The following BRMS1 variants were observed in gnomAD, a reference collection of about 807,000 sequenced individuals.
BRMS1 encodes the protein breast cancer metastasis-suppressor 1.
BRMS1 carries 26 observed loss-of-function variants against 40.4 expected under a neutral mutation model. The ratio of observed to expected loss-of-function variants is 0.64; its 90% CI spans 0.47 to 0.89. The LOEUF is 0.89. Ranked by LOEUF, BRMS1 falls within the 40% of genes least tolerant of loss-of-function variation. The pLI, the probability that BRMS1 is intolerant of heterozygous loss-of-function variation, is 0.00. For missense variants in BRMS1, 289 were observed against 309.4 expected (o/e 0.93, Z 0.49); for synonymous variants, 103 against 116.0 (o/e 0.89, Z 0.72).
chr11:66,341,669 G>A lies in BRMS1; in HGVS notation c.140-46C>T, dbSNP rs774475917. On this transcript the variant is annotated intron_variant, in intron 2 of 9. Coordinates refer to ENST00000359957, the MANE Select transcript of BRMS1 (RefSeq NM_015399.4). The surrounding 1 kb of genome is among the most constrained non-coding windows in gnomAD (Gnocchi z 4.9). ...GGGCTAGCTCTGGGGAGGAGTGGTG[G>A]GTACCCGCATGTGTGCATGTGCGTC... 6.5e-7 allele frequency: 1 copy of A among 1,538,474 alleles called. No homozygotes were observed. Among genetic ancestry groups the A allele is most frequent in the South Asian group, 1.1e-5 (1 of 89,654 alleles).
intron 1 of BRMS1, 26 bp from the exon 2 acceptor site, chr11:66,342,267 T>G: frequency 6.2e-7 from 1 of 1,608,794 alleles, no homozygotes; most frequent in Non-Finnish European, 8.5e-7. Context: ...GAGCTATCAC[T>G]TATGGCTGCC....
intron 6 of BRMS1, among the ~76,000 whole-genome samples, chr11:66,340,441 G>C (rs1459408919): frequency 6.6e-6 from 1 of 152,182 alleles, no homozygotes; most frequent in Non-Finnish European, 1.5e-5. Flanking sequence ...TTAGTGGAGA[G>C]TGGGATGACG....
intron 2 of BRMS1, 24 bp downstream of exon 2, chr11:66,342,072 G>GTGTGTT (rs1855098008): frequency 1.2e-6 from 2 of 1,607,606 alleles, no homozygotes; most frequent in East Asian, 2.2e-5. Flanking sequence ...GTGTGTGTGT[G>GTGTGTT]TGTCTGTGTG....
chr11:66,342,376 A>C, intron 1 of BRMS1, 135 bp from the exon 2 acceptor site: 1 of 1,135,402 alleles, frequency 8.8e-7, no homozygotes, highest in Non-Finnish European at 1.3e-6. Context: ...CACCTTGAGC[A>C]CAAACTGGGT....
chr11:66,338,373 T>C, intron 8 of BRMS1, 91 bp from the exon 9 acceptor site: 2 of 1,547,454 alleles, frequency 1.3e-6, no homozygotes, highest in Non-Finnish European at 8.7e-7. Flanking sequence ...TTGTGGGCTG[T>C]TGCCTCAGTG....
rs1855090349 is a variant in BRMS1, at chr11:66,341,898, AGGGGCTGTGTGTGC to A, written c.139+184_139+197del. 1 of 629,066 alleles carries A rather than the reference AGGGGCTGTGTGTGC, an allele frequency of 1.6e-6. No homozygotes were observed. The highest frequency in any genetic ancestry group is 2.6e-5 in the African/African-American group (1 of 38,308). 39.0% of individuals were successfully genotyped at this position (629,066 alleles called of 1,614,324 possible). A position where few individuals can be genotyped will look rare whatever the true frequency, so the allele number is the denominator to read the frequency against. ...TGTGTGTGCATACGTGCTTGTGTGT[AGGGGCTGTGTGTGC>A]GTGCTTGTGTGTAGGGGCTGTGTGT... On this transcript the variant is annotated intron_variant, in intron 2 of 9. Coordinates refer to ENST00000359957, the MANE Select transcript of BRMS1 (RefSeq NM_015399.4). The surrounding 1 kb of genome is among the most constrained non-coding windows in gnomAD (Gnocchi z 4.9).
At chr11:66,338,948 C>T (rs1016139990) in intron 7 of BRMS1, among the ~76,000 whole-genome samples, 163 bp from the exon 8 acceptor site, 3 of 152,044 alleles carry the variant, frequency 2.0e-5, no homozygotes, top group Non-Finnish European at 4.4e-5. Context: ...CCCCTGGTTC[C>T]AGGGGTCGTC....
rs778440123 is a variant in BRMS1 at position 66,341,143 on chromosome 11, G to C, written c.358+63C>G. The C allele has an allele frequency of 9.9e-6, 16 of 1,612,460 alleles. No individual in the cohort carries two copies. Among genetic ancestry groups the C allele is most frequent in the Non-Finnish European group, 1.4e-5 (16 of 1,179,046 alleles). On this transcript the variant is annotated intron_variant, in intron 4 of 9. Transcript: ENST00000359957. The surrounding 1 kb of genome is among the most constrained non-coding windows in gnomAD (Gnocchi z 4.9). ...AGGGCAAGGCCGGGCAGGAACGAGAGAGGAAGGGGACAGGGTGCCACGGGT... is the reference window on the plus strand; with the variant it reads ...AGGGCAAGGCCGGGCAGGAACGAGACAGGAAGGGGACAGGGTGCCACGGGT...
chr11:66,339,132 C>T lies in BRMS1; in HGVS notation c.629-347G>A, dbSNP rs150965028. ...GCAGGGCTTATCCCTTCAGAGACAA[C>T]TCTCCCTCCCCCAGTGCTCCCTACT... On this transcript the variant is annotated intron_variant, in intron 7 of 9. Transcript: ENST00000359957. 1.6e-3 allele frequency among the ~76,000 whole-genome samples: 248 copies of T among 152,322 alleles called. 3 individuals are homozygous for T. The highest frequency in any genetic ancestry group is 5.7e-3 in the African/African-American group (239 of 41,572).
In BRMS1 at chr11:66,341,298, C is replaced by T. The variant is rs564172836; in HGVS notation, c.266G>A (p.Arg89Gln). Residue 89 changes from arginine to glutamine, a missense_variant, in exon 4 of 10, where the codon CGG becomes CAG. Arg to Gln is a conservative substitution (Grantham distance 43, BLOSUM62 1). Transcript: ENST00000359957. The surrounding 1 kb of genome is among the most constrained non-coding windows in gnomAD (Gnocchi z 4.9). ...TCTCTCAGCCCCCACTTCCTCCAGC[C>T]GCAACCGCAGCTGACTCAGTCGTTC... is the stretch of plus-strand genomic sequence containing the variant. ...FRERLSQLRL[R>Q]LEEVGAERAP... The T allele has an allele frequency of 1.2e-5, 20 of 1,613,430 alleles. No individual in the cohort carries two copies. The highest frequency in any genetic ancestry group is 2.2e-5 in the South Asian group (2 of 91,076).
rs1194003067 is a variant in BRMS1, at chr11:66,341,603, C to T, written c.160G>A (p.Glu54Lys). Reference protein sequence around the residue: ...ESSEMDDEDYERRRSECVSEM... With the variant: ...ESSEMDDEDYKRRRSECVSEM... ...CTGACACACTCGCTGCGGCGTCGCT[C>T]ATAGTCCTCATCATCCATCTCTGGG... The change falls in exon 3 of 10, where the codon GAG becomes AAG. Residue 54 changes from glutamate (E) to lysine (K), a missense_variant. Transcript: ENST00000359957. This position sits in a 1 kb window ranked among gnomAD's most constrained non-coding sequence, Gnocchi z 4.9. 6.2e-7 allele frequency: 1 copy of T among 1,614,116 alleles called. No individual in the cohort carries two copies. The highest frequency in any genetic ancestry group is 8.5e-7 in the Non-Finnish European group (1 of 1,180,046).
chr11:66,339,144 C>T (rs1410450496), intron 7 of BRMS1, among the ~76,000 whole-genome samples: 3 of 152,224 alleles, frequency 2.0e-5, no homozygotes, highest in African/African-American at 7.2e-5. Flanking sequence ...CTCCCTCCCC[C>T]AGTGCTCCCT....
chr11:66,338,687 T>C, intron 8 of BRMS1, 34 bp downstream of exon 8: 1 of 1,613,252 alleles, frequency 6.2e-7, no homozygotes, highest in Non-Finnish European at 8.5e-7. Flanking sequence ...GGCCCTGAGG[T>C]GGGGCAGGTC....
At position 66,341,125 on chromosome 11, in the gene BRMS1, G is replaced by A. The variant is rs1473365786; in HGVS notation, c.359-79C>T. 6.2e-7 allele frequency: 1 copy of A among 1,612,044 alleles called. No individual in the cohort carries two copies. The highest frequency in any genetic ancestry group is 1.3e-5 in the African/African-American group (1 of 74,898). ...TAGGAGGGCTGAGAGCAAAGGGCAA[G>A]GCCGGGCAGGAACGAGAGAGGAAGG... On this transcript the variant is annotated intron_variant, in intron 4 of 9. Transcript: ENST00000359957. The surrounding 1 kb of genome is among the most constrained non-coding windows in gnomAD (Gnocchi z 4.9).
At position 66,342,223 on chromosome 11, in the gene BRMS1, C is replaced by A; in HGVS notation, c.12G>T (p.Gln4His). ...TCTCTTCTGTGTCTTTGCTTGGAGG[C>A]TGGACAGGCATCTGGACTCTGGGAG... Reference protein sequence around the residue: MPVQPPSKDTEEME... With the variant: MPVHPPSKDTEEME... The change falls in exon 2 of 10, where the codon CAG (glutamine) becomes CAT (histidine). Residue 4 changes from glutamine to histidine, a missense_variant. By Grantham distance (24) the Gln-to-His change is conservative. Coordinates refer to ENST00000359957, the MANE Select transcript of BRMS1 (RefSeq NM_015399.4). 1 of 1,613,262 alleles carries A rather than the reference C, an allele frequency of 6.2e-7. No homozygotes were observed. The highest frequency in any genetic ancestry group is 8.5e-7 in the Non-Finnish European group (1 of 1,179,984).
rs1242215264 is a variant in BRMS1, at chr11:66,339,780, T to C, written c.628+341A>G. The C allele has an allele frequency of 1.4e-5, 3 of 218,370 alleles. No individual in the cohort carries two copies. In the Admixed American group the frequency reaches 1.5e-4, roughly 11 times the overall value. The allele number at this position is 218,370 out of a possible 1,614,324, so 13.5% of individuals were successfully genotyped here. A position where few individuals can be genotyped will look rare whatever the true frequency, so the allele number is the denominator to read the frequency against. On this transcript the variant is annotated intron_variant, in intron 7 of 9. Transcript: ENST00000359957. ...CCTGGCTAATTTTTGTTATTTTTTC[T>C]AGAGATGGGTTTCACCATGTTGCCC...
In BRMS1 at chr11:66,337,896, A is replaced by G. The variant is rs1373042591; in HGVS notation, c.734-7T>C. On this transcript the variant is annotated splice_region_variant and splice_polypyrimidine_tract_variant and intron_variant, in intron 9 of 9. Coordinates refer to ENST00000359957, the MANE Select transcript of BRMS1 (RefSeq NM_015399.4). ...GAACAGCAGGGTCAAGGTCCTGTGC[A>G]TATGTGGGAAGAAGAAAACTGTCAC... 1.0e-5 allele frequency: 16 copies of G among 1,602,928 alleles called. No individual in the cohort carries two copies. Among genetic ancestry groups the G allele is most frequent in the South Asian group, 1.1e-5 (1 of 90,588 alleles).
In BRMS1 at chr11:66,338,202, C is replaced by G. The variant is rs1014577847; in HGVS notation, c.733+41G>C. ...AAGCTGAGCTGAGGAAAGGTGATGG[C>G]AAGGGGGCAGGGAAGGCCATGCAAC... On this transcript the variant is annotated intron_variant, in intron 9 of 9. Coordinates refer to ENST00000359957, the MANE Select transcript of BRMS1 (RefSeq NM_015399.4). 1.4e-5 allele frequency: 22 copies of G among 1,603,982 alleles called. No homozygotes were observed. In the Middle Eastern group the frequency reaches 6.6e-4, roughly 48 times the overall value.
intron 7 of BRMS1, 59 bp downstream of exon 7, chr11:66,340,062 G>T: frequency 2.8e-6 from 4 of 1,445,434 alleles, no homozygotes; most frequent in Non-Finnish European, 3.9e-6. Flanking sequence ...CCCTCCCCTG[G>T]GTCTGGAGTT....
Sources: allele counts gnomAD v4.1 joint callset (sites outside exome capture counted in the v4.1 genomes callset), GRCh38; gene constraint gnomAD v4.1.1; non-coding constraint Gnocchi (gnomAD v3.1); transcripts MANE v1.5; gene names NCBI Gene and HGNC (gene_info 2026-07-23, HGNC 2026-07-21).